The following GUCY2F variants were observed in gnomAD, a reference collection of about 807,000 sequenced individuals.
The protein encoded by GUCY2F is retinal guanylyl cyclase 2.
A neutral mutation model predicts 73.1 loss-of-function variants in GUCY2F; 61 were observed. That is an observed-to-expected ratio of 0.83 (90% CI 0.68 to 1.03). The LOEUF is 1.03. GUCY2F is among the 50% of genes least tolerant of loss of function. The pLI is 0.00. For synonymous variants in GUCY2F, 331 were observed against 307.8 expected (o/e 1.08, Z -0.79); for missense variants, 912 against 854.3 (o/e 1.07, Z -0.84).
chrX:109,459,559 G>T (rs1297463505), intron 3 of GUCY2F, among the ~76,000 whole-genome samples: 2 of 111,412 alleles, frequency 1.8e-5, no homozygotes, highest in Admixed American at 1.9e-4. Context: ...TGGAAATGAG[G>T]TGGAGCACAA....
At chrX:109,405,966 A>G (rs1165502905) in intron 9 of GUCY2F, among the ~76,000 whole-genome samples, 2 of 111,539 alleles carry the variant, frequency 1.8e-5, no homozygotes, top group African/African-American at 6.5e-5. Flanking sequence ...AATCACACCT[A>G]TCTTAAAGGG....
Position 109,465,371 on chromosome X carries a change from T to C in GUCY2F, c.803A>G (p.Asp268Gly). 1 of 1,201,291 alleles carries C rather than the reference T, an allele frequency of 8.3e-7. No individual in the cohort carries two copies. Residue 268 changes from aspartate to glycine, a missense_variant, in exon 3 of 20, where the codon GAT becomes GGT. Asp to Gly is a moderately conservative substitution (Grantham distance 94, BLOSUM62 -1). Transcript: ENST00000218006. ...GTAGGTTCCATCAGTCATTTTCAGA[T>C]CATGAGCACATTCCAAGAGATGCAT... is the stretch of plus-strand genomic sequence containing the variant. ...TQMHLLECAH[D>G]LKMTDGTYVF...
chrX:109,429,667 C>T (rs1931568280), intron 8 of GUCY2F, among the ~76,000 whole-genome samples: 1 of 111,391 alleles, frequency 9.0e-6, no homozygotes, highest in African/African-American at 3.3e-5. Flanking sequence ...CTGAAGGGAC[C>T]CAAGATAGTA....
At chrX:109,478,208 T>C (rs777136144) in intron 1 of GUCY2F, among the ~76,000 whole-genome samples, 59 of 112,319 alleles carry the variant, frequency 5.3e-4, no homozygotes, top group African/African-American at 1.8e-3. Context: ...TGTGAGGTGT[T>C]GACTCAGGCT....
chrX:109,398,639 A>G lies in GUCY2F; in HGVS notation c.2185T>C (p.Phe729Leu). 1 of 1,209,528 alleles carries G rather than the reference A, an allele frequency of 8.3e-7. No homozygotes were observed. Among genetic ancestry groups the G allele is most frequent in the South Asian group, 1.8e-5 (1 of 56,905 alleles). The change falls in exon 11 of 20, where the codon TTT becomes CTT. Residue 729 changes from phenylalanine (F) to leucine (L), a missense_variant. Physicochemically the swap from Phe to Leu is conservative, Grantham distance 22 (BLOSUM62 0). Coordinates refer to ENST00000218006, the MANE Select transcript of GUCY2F (RefSeq NM_001522.3). ...GCAAAGCTATAGACATCTCCTGCAA[A>G]AGAACCTAACCTGCTGCCTCTTGGA... ...RAPRGSRLGS[F>L]AGDVYSFAII...
intron 16 of GUCY2F, among the ~76,000 whole-genome samples, chrX:109,383,660 G>C (rs764961342): frequency 8.9e-6 from 1 of 111,777 alleles, no homozygotes; most frequent in Non-Finnish European, 1.9e-5. Context: ...ATACTTCTTT[G>C]TATGCTTCAC....
intron 7 of GUCY2F, among the ~76,000 whole-genome samples, chrX:109,440,080 T>C (rs1317158352): frequency 8.9e-6 from 1 of 112,348 alleles, no homozygotes; most frequent in Non-Finnish European, 1.9e-5. Context: ...TGTCTTAGTC[T>C]GTTAGTACTG....
chrX:109,434,673 T>G (rs977004203), intron 7 of GUCY2F, among the ~76,000 whole-genome samples: 1 of 110,431 alleles, frequency 9.1e-6, no homozygotes, highest in African/African-American at 3.3e-5. Context: ...GCCATTGCTT[T>G]TGGTGTTTTA....
intron 10 of GUCY2F, among the ~76,000 whole-genome samples, chrX:109,403,587 C>T (rs1331211058): frequency 3.6e-5 from 4 of 111,703 alleles, no homozygotes; most frequent in African/African-American, 9.8e-5. Context: ...ACTTACCAAT[C>T]GGAGCTTTCC....
At chrX:109,457,944 A>T (rs1932292012) in intron 3 of GUCY2F, among the ~76,000 whole-genome samples, 1 of 112,127 alleles carries the variant, frequency 8.9e-6, no homozygotes, top group Non-Finnish European at 1.9e-5. Context: ...GGAAGAATGT[A>T]GGCATCAAAC....
intron 3 of GUCY2F, among the ~76,000 whole-genome samples, chrX:109,459,993 G>T (rs769149762): frequency 1.8e-5 from 2 of 111,367 alleles, no homozygotes; most frequent in East Asian, 5.6e-4. Context: ...CAACAAGAAT[G>T]AACTCTTGGA....
chrX:109,463,127 A>G lies in GUCY2F; in HGVS notation c.1032+2015T>C, dbSNP rs772130299. Among the ~76,000 whole-genome samples the G allele has an allele frequency of 7.1e-5, 8 of 112,006 alleles. No homozygotes were observed. In the East Asian group the frequency reaches 2.0e-3, roughly 27 times the overall value. On this transcript the variant is annotated intron_variant, in intron 3 of 19. Coordinates refer to ENST00000218006, the MANE Select transcript of GUCY2F (RefSeq NM_001522.3). ...AGCAGAAAGAGATACATAAACCTAA[A>G]TTTCATTTGAATCACTATTCAGACA...
intron 3 of GUCY2F, among the ~76,000 whole-genome samples, chrX:109,460,272 G>T (rs188288261): frequency 4.5e-5 from 5 of 111,365 alleles, no homozygotes; most frequent in African/African-American, 6.5e-5. Flanking sequence ...AGATTGAAAG[G>T]CTCCACCAAT....
intron 3 of GUCY2F, among the ~76,000 whole-genome samples, chrX:109,464,638 G>A (rs1603385663): frequency 8.9e-6 from 1 of 112,580 alleles, no homozygotes; most frequent in African/African-American, 3.2e-5. Flanking sequence ...GACTGCAGTG[G>A]TCCAGCAATG....
intron 7 of GUCY2F, among the ~76,000 whole-genome samples, chrX:109,435,989 T>C (rs1482541523): frequency 9.0e-6 from 1 of 111,531 alleles, no homozygotes; most frequent in African/African-American, 3.3e-5. Flanking sequence ...CACTTGATCA[T>C]GGTGGATAAG....
At chrX:109,408,969 ATT>A in intron 9 of GUCY2F, 21 bp downstream of exon 9, 1 of 887,090 alleles carries the variant, frequency 1.1e-6, no homozygotes, top group Non-Finnish European at 1.6e-6. Context: ...AAAATCCAAG[ATT>A]TCCTCAGTCT....
At chrX:109,480,297 A>G (rs771010742) in intron 1 of GUCY2F, among the ~76,000 whole-genome samples, 68 of 111,776 alleles carry the variant, frequency 6.1e-4, no homozygotes, top group African/African-American at 2.1e-3. Flanking sequence ...AATGAATGAT[A>G]ATATTTGACA....
At chrX:109,392,625 C>T (rs776173610) in intron 13 of GUCY2F, among the ~76,000 whole-genome samples, 24 of 108,195 alleles carry the variant, frequency 2.2e-4, no homozygotes, top group African/African-American at 4.0e-4. Flanking sequence ...AGCAAAGTCA[C>T]GAAGTGACAC....
intron 8 of GUCY2F, among the ~76,000 whole-genome samples, chrX:109,415,869 C>T (rs891063619): frequency 1.8e-5 from 2 of 111,936 alleles, no homozygotes; most frequent in African/African-American, 6.5e-5. Flanking sequence ...ACATTAGATA[C>T]TTGGGAATGC....
Sources: gnomAD v4.1 joint callset for allele counts (sites outside exome capture counted in the v4.1 genomes callset) on GRCh38, gnomAD v4.1.1 for gene constraint, MANE v1.5 for transcripts, NCBI Gene and HGNC (gene_info 2026-07-23, HGNC 2026-07-21) for gene names.